SEMA3C: variants seen among roughly 807,000 people sequenced by gnomAD.
The protein encoded by SEMA3C is semaphorin 3C.
SEMA3C carries 47 observed loss-of-function variants against 89.4 expected under a neutral mutation model. The observed-to-expected ratio is 0.53, with a 90% CI of 0.42 to 0.67. The LOEUF is 0.67. Among genes scored for constraint, SEMA3C ranks in the 30% least tolerant of loss-of-function variants. SEMA3C has a pLI of 0.00. For missense variants in SEMA3C, 839 were observed against 929.1 expected, an observed-to-expected ratio of 0.90 and a Z score of 1.26; for synonymous variants, 310 against 320.2, an observed-to-expected ratio of 0.97 and a Z score of 0.34.
intron 2 of SEMA3C, among the ~76,000 whole-genome samples, chr7:80,888,315 G>A (rs1791530894): frequency 1.3e-5 from 2 of 152,058 alleles, no homozygotes; most frequent in South Asian, 2.1e-4. Context: ...TTGGGAGGCC[G>A]AGGCAGGAGG....
At chr7:80,840,450 T>A (rs1301635288) in intron 2 of SEMA3C, among the ~76,000 whole-genome samples, 1 of 134,712 alleles carries the variant, frequency 7.4e-6, no homozygotes, top group East Asian at 2.2e-4. Context: ...GCATGGGAGG[T>A]AGAAGCTGCA....
At chr7:80,914,668 G>A (rs964724652) in intron 2 of SEMA3C, among the ~76,000 whole-genome samples, 5 of 152,066 alleles carry the variant, frequency 3.3e-5, no homozygotes, top group African/African-American at 1.2e-4. Context: ...AAGAGTACCA[G>A]TAATACACCT....
chr7:80,784,473 C>G (rs1294487866), intron 12 of SEMA3C, among the ~76,000 whole-genome samples: 5 of 150,716 alleles, frequency 3.3e-5, no homozygotes, highest in Non-Finnish European at 7.4e-5. Flanking sequence ...TTTTTTTACT[C>G]AAGATAAAAG....
intron 2 of SEMA3C, among the ~76,000 whole-genome samples, chr7:80,880,235 G>A (rs974280826): frequency 6.6e-6 from 1 of 152,130 alleles, no homozygotes; most frequent in Admixed American, 6.6e-5. Flanking sequence ...CATCCTTGCA[G>A]AACACCATTA....
chr7:80,911,616 CTT>C (rs774658177), intron 2 of SEMA3C, among the ~76,000 whole-genome samples: 11 of 140,862 alleles, frequency 7.8e-5, no homozygotes, highest in Admixed American at 2.9e-4. Flanking sequence ...AGAATAGGAC[CTT>C]TTTTTTTTTT....
Position 80,787,746 on chromosome 7 carries a change from A to T in SEMA3C, c.1354+1560T>A, listed in dbSNP as rs186296269. Among the ~76,000 whole-genome samples the T allele has an allele frequency of 2.4e-4, 36 of 152,352 alleles. No individual in the cohort carries two copies. In the East Asian group the frequency reaches 6.0e-3, roughly 25 times the overall value. ...GATTCAGTGGAGGATGAAATGGAAG[A>T]ATCAAGTGAGTAAGAATATAATTGA... On this transcript the variant is annotated intron_variant, in intron 12 of 17. Coordinates refer to ENST00000265361, the MANE Select transcript of SEMA3C (RefSeq NM_006379.5).
intron 1 of SEMA3C, among the ~76,000 whole-genome samples, chr7:80,917,184 A>G (rs1792297988): frequency 6.6e-6 from 1 of 152,250 alleles, no homozygotes; most frequent in East Asian, 1.9e-4. Flanking sequence ...AGCTAAAAGA[A>G]TATTACTGGA....
intron 2 of SEMA3C, among the ~76,000 whole-genome samples, chr7:80,852,677 ATTTT>A (rs751469979): frequency 8.4e-4 from 116 of 137,958 alleles, no homozygotes; most frequent in African/African-American, 2.4e-3. Flanking sequence ...CTGAATAGAC[ATTTT>A]TTTTTTTTTT....
At chr7:80,864,567 G>T (rs1583956650) in intron 2 of SEMA3C, among the ~76,000 whole-genome samples, 2 of 151,760 alleles carry the variant, frequency 1.3e-5, no homozygotes, top group South Asian at 4.2e-4. Context: ...CAATGTAGAA[G>T]AAAAAAATAA....
chr7:80,785,399 A>T lies in SEMA3C; in HGVS notation c.1354+3907T>A, dbSNP rs3800558. ...ATGATGATACAGAAGAAAAGCCAAA[A>T]GAGAAACTTGCTTCACTGTGCCAAT... On this transcript the variant is annotated intron_variant, in intron 12 of 17. Coordinates refer to ENST00000265361, the MANE Select transcript of SEMA3C (RefSeq NM_006379.5). 1.6e-3 allele frequency among the ~76,000 whole-genome samples: 247 copies of T among 152,318 alleles called. 8 individuals carry two copies. In the East Asian group the frequency reaches 0.034, roughly 21 times the overall value.
At chr7:80,905,950 G>A (rs1002092647) in intron 2 of SEMA3C, 26 of 1,223,246 alleles carry the variant, frequency 2.1e-5, no homozygotes, top group Non-Finnish European at 2.6e-5. Flanking sequence ...ATGTAATTTT[G>A]TTTTGTTTTT....
intron 2 of SEMA3C, among the ~76,000 whole-genome samples, chr7:80,893,665 T>C (rs1489375053): frequency 3.3e-5 from 5 of 152,060 alleles, no homozygotes; most frequent in Non-Finnish European, 5.9e-5. Flanking sequence ...GGGAAATATA[T>C]TGGAAGGCTT....
At chr7:80,898,266 T>G (rs1791788043) in intron 2 of SEMA3C, among the ~76,000 whole-genome samples, 1 of 152,062 alleles carries the variant, frequency 6.6e-6, no homozygotes, top group Non-Finnish European at 1.5e-5. Flanking sequence ...CTCGGGAGGC[T>G]GGGGCAGGAG....
In SEMA3C at chr7:80,916,664, T is replaced by A. The variant is rs774314737; in HGVS notation, c.103+15A>T. On this transcript the variant is annotated intron_variant, in intron 2 of 17. Coordinates refer to ENST00000265361, the MANE Select transcript of SEMA3C (RefSeq NM_006379.5). ...AAAATAACATTTTTCCCAGAGTGTT[T>A]ATCAACTCTCTTACCATCAAATGTT... 2 of 1,600,494 alleles carry A rather than the reference T, an allele frequency of 1.2e-6. No homozygotes were observed. Among genetic ancestry groups the A allele is most frequent in the Non-Finnish European group, 1.7e-6 (2 of 1,174,420 alleles).
chr7:80,815,246 C>A (rs1286377017), intron 5 of SEMA3C, among the ~76,000 whole-genome samples: 2 of 152,016 alleles, frequency 1.3e-5, no homozygotes, highest in African/African-American at 2.4e-5. Flanking sequence ...ATGAAAAATA[C>A]AGAGCATGAA....
chr7:80,906,857 G>A (rs1254447083), intron 2 of SEMA3C, among the ~76,000 whole-genome samples: 3 of 152,038 alleles, frequency 2.0e-5, no homozygotes, highest in Non-Finnish European at 4.4e-5. Flanking sequence ...GTAGCCAAGC[G>A]GTAGGGGCTG....
At position 80,804,338 on chromosome 7, in the gene SEMA3C, A is replaced by G. The variant is rs186979231; in HGVS notation, c.659-90T>C. ...TAGACCACAGGCAGATGCCTTCCCC[A>G]TCTTTGGTAGAAAAAAACAATTCAA... is the stretch of plus-strand genomic sequence containing the variant. On this transcript the variant is annotated intron_variant, in intron 7 of 17. Transcript: ENST00000265361. 1.9e-4 allele frequency: 163 copies of G among 851,382 alleles called. No homozygotes were observed. The African/African-American group carries it at 2.6e-3, about 13-fold the overall frequency. The allele number at this position is 851,382 out of a possible 1,614,324, so 52.7% of individuals were successfully genotyped here.
chr7:80,825,433 T>TATGTGG (rs1215899815), intron 4 of SEMA3C, among the ~76,000 whole-genome samples: 1 of 152,214 alleles, frequency 6.6e-6, no homozygotes, highest in Admixed American at 6.5e-5. Flanking sequence ...ATTTAAAATA[T>TATGTGG]CCACAAATTA....
intron 2 of SEMA3C, among the ~76,000 whole-genome samples, chr7:80,883,726 G>A (rs541726125): frequency 4.6e-5 from 7 of 152,334 alleles, no homozygotes; most frequent in Admixed American, 2.6e-4. Flanking sequence ...GCTTTACAGT[G>A]ATTCACTGCC....
Sources: gnomAD v4.1 joint callset for allele counts (sites outside exome capture counted in the v4.1 genomes callset) on GRCh38, gnomAD v4.1.1 for gene constraint, MANE v1.5 for transcripts, NCBI Gene and HGNC (gene_info 2026-07-23, HGNC 2026-07-21) for gene names.